DAP3: variants seen among roughly 807,000 people sequenced by gnomAD.
DAP3 encodes small ribosomal subunit protein mS29.
A neutral mutation model predicts 51.9 loss-of-function variants in DAP3; 28 were observed. The ratio of observed to expected loss-of-function variants is 0.54; its 90% CI spans 0.40 to 0.74. DAP3 has a LOEUF of 0.74. Among genes scored for constraint, DAP3 ranks in the 30% least tolerant of loss-of-function variants. DAP3 has a pLI of 0.00. For missense variants in DAP3, 458 were observed against 483.5 expected (o/e 0.95, Z 0.49); for synonymous variants, 170 against 170.3 (o/e 1.00, Z 0.01).
intron 5 of DAP3, 126 bp from the exon 6 acceptor site, chr1:155,725,801 T>C: frequency 1.3e-6 from 1 of 785,330 alleles, no homozygotes. Context: ...GAAGCGGAGG[T>C]TGCTGTGAGC....
upstream of DAP3, chr1:155,688,747 G>A (rs1427254329): frequency 1.4e-5 from 21 of 1,515,834 alleles, no homozygotes; most frequent in Non-Finnish European, 1.7e-5. Flanking sequence ...CGCCGCCAAA[G>A]CAGCCGCCGC....
At chr1:155,728,247 C>T (rs1430143208) in intron 7 of DAP3, among the ~76,000 whole-genome samples, 1 of 151,998 alleles carries the variant, frequency 6.6e-6, no homozygotes, top group Non-Finnish European at 1.5e-5. Flanking sequence ...ATTCAAGGCT[C>T]CAAGCAGAAA....
At chr1:155,708,345 TCAAC>T in intron 1 of DAP3, among the ~76,000 whole-genome samples, 1 of 151,870 alleles carries the variant, frequency 6.6e-6, no homozygotes, top group African/African-American at 2.4e-5. Context: ...CACCACACTT[TCAAC>T]TTTTTGTTTG....
At chr1:155,730,248 C>CATATATGTATATATGTATATATAA (rs1659098219) in intron 9 of DAP3, among the ~76,000 whole-genome samples, 1 of 128,348 alleles carries the variant, frequency 7.8e-6, no homozygotes, top group African/African-American at 4.7e-5. Flanking sequence ...TGTATATATA[C>CATATATGTATATATGTATATATAA]GTATATATGC....
rs774733542 is a variant in DAP3 at position 155,721,522 on chromosome 1, G to C, written c.174G>C (p.Lys58Asn). ...TTTGCACTCTTATTTCCTAGGCCAA[G>C]CATGGGGATCAGCACGAGGGTCAGC... Reference protein sequence around the residue: ...ISRTNENDPAKHGDQHEGQHY... With the variant: ...ISRTNENDPANHGDQHEGQHY... The change falls in exon 4 of 13, where the codon AAG becomes AAC. Residue 58 changes from lysine (K) to asparagine (N), a missense_variant. Physicochemically the swap from Lys to Asn is moderately conservative, Grantham distance 94 (BLOSUM62 0). Transcript: ENST00000368336. 36 of 1,613,686 alleles carry C rather than the reference G, an allele frequency of 2.2e-5. No individual in the cohort carries two copies. In the South Asian group the frequency reaches 3.8e-4, roughly 17 times the overall value.
At chr1:155,734,082 G>A (rs1283430764) in intron 11 of DAP3, among the ~76,000 whole-genome samples, 2 of 152,118 alleles carry the variant, frequency 1.3e-5, no homozygotes, top group East Asian at 1.9e-4. Flanking sequence ...GCTTGAGCCC[G>A]GGAGGTCAAG....
chr1:155,710,090 A>C (rs1656506706), intron 2 of DAP3: 1 of 327,086 alleles, frequency 3.1e-6, no homozygotes, highest in Non-Finnish European at 5.5e-6. Context: ...TCCCTTAATG[A>C]AGTATTTAAA....
intron 11 of DAP3, among the ~76,000 whole-genome samples, chr1:155,736,417 C>T (rs1286539850): frequency 6.6e-6 from 1 of 152,094 alleles, no homozygotes; most frequent in Admixed American, 6.6e-5. Context: ...TCAAGCATTG[C>T]CTTTTTTTTT....
intron 1 of DAP3, among the ~76,000 whole-genome samples, chr1:155,705,796 G>A (rs1387952709): frequency 6.6e-6 from 1 of 151,970 alleles, no homozygotes; most frequent in Non-Finnish European, 1.5e-5. Context: ...TGCCTCCTGG[G>A]TTCAAGCGAT....
chr1:155,691,779 A>G (rs1359417282), intron 1 of DAP3, among the ~76,000 whole-genome samples: 1 of 141,834 alleles, frequency 7.1e-6, no homozygotes. Context: ...TCATCATTCT[A>G]GTGGGTGTGA....
chr1:155,689,334 G>A (rs1653326653), intron 1 of DAP3, 160 bp downstream of exon 1: 1 of 572,530 alleles, frequency 1.7e-6, no homozygotes, highest in African/African-American at 1.8e-5. Context: ...GAAGTTCGGC[G>A]TGGTGGTGTG....
rs141230594 is a variant in DAP3 at position 155,733,367 on chromosome 1, A to G, written c.993+1334A>G. On this transcript the variant is annotated intron_variant, in intron 11 of 12. Transcript: ENST00000368336. ...TAGAGATATACTTTGAGACTAGGTA[A>G]AGATCCTGTTACTTCTCAAACTTCC... 2.4e-3 allele frequency among the ~76,000 whole-genome samples: 372 copies of G among 152,322 alleles called. 2 individuals carry two copies. Among genetic ancestry groups the G allele is most frequent in the African/African-American group, 8.1e-3 (338 of 41,574 alleles).
chr1:155,735,433 T>C (rs1312300908), intron 11 of DAP3, among the ~76,000 whole-genome samples: 1 of 151,280 alleles, frequency 6.6e-6, no homozygotes, highest in Admixed American at 6.6e-5. Flanking sequence ...AAAAATTAGC[T>C]GGGCATGGTG....
chr1:155,736,735 G>T, intron 11 of DAP3: 1 of 541,126 alleles, frequency 1.8e-6, no homozygotes, highest in South Asian at 2.0e-5. Flanking sequence ...TTAATATATA[G>T]CATTTGTGGC....
intron 1 of DAP3, 169 bp downstream of exon 1, chr1:155,689,343 T>G: frequency 1.8e-6 from 1 of 556,010 alleles, no homozygotes; most frequent in Non-Finnish European, 3.4e-6. Context: ...CGTGGTGGTG[T>G]GCTTTTTGTT....
chr1:155,708,019 T>C (rs918603892), intron 1 of DAP3, among the ~76,000 whole-genome samples: 2 of 152,132 alleles, frequency 1.3e-5, no homozygotes, highest in African/African-American at 2.4e-5. Context: ...TCCTTATATA[T>C]ATTTCCCAGT....
Position 155,719,233 on chromosome 1 carries a change from A to AT in DAP3, c.168+2124dup, listed in dbSNP as rs35815910. Reference sequence around the variant, plus strand: ...ATAGCAAGACCCTAACTCTAAAACAATTTTTTTTTTTTTTTTTTTGAGACA... The same window carrying AT: ...ATAGCAAGACCCTAACTCTAAAACAATTTTTTTTTTTTTTTTTTTTGAGACA... On this transcript the variant is annotated intron_variant, in intron 3 of 12. Coordinates refer to ENST00000368336, the MANE Select transcript of DAP3 (RefSeq NM_004632.4). 1.1e-3 allele frequency among the ~76,000 whole-genome samples: 139 copies of AT among 129,026 alleles called. 1 individual carries two copies. The highest frequency in any genetic ancestry group is 3.2e-3 in the African/African-American group (110 of 34,838). 84.6% of individuals were successfully genotyped at this position (129,026 alleles called of 152,430 possible).
chr1:155,716,114 A>C (rs1271281976), intron 2 of DAP3, among the ~76,000 whole-genome samples: 1 of 152,224 alleles, frequency 6.6e-6, no homozygotes, highest in Non-Finnish European at 1.5e-5. Flanking sequence ...TGGCTATGCT[A>C]TGTATGCTCC....
At chr1:155,700,839 G>A (rs1655150597) in intron 1 of DAP3, among the ~76,000 whole-genome samples, 1 of 86,990 alleles carries the variant, frequency 1.1e-5, no homozygotes. Flanking sequence ...GAGCCCCTCT[G>A]CCCGGCCAGC....
Sources: allele counts gnomAD v4.1 joint callset (sites outside exome capture counted in the v4.1 genomes callset), GRCh38; gene constraint gnomAD v4.1.1; transcripts MANE v1.5; gene names NCBI Gene and HGNC (gene_info 2026-07-23, HGNC 2026-07-21).